Variants in ZNF813 observed in about 807,000 individuals in gnomAD.
ZNF813 encodes zinc finger protein 813.
ZNF813 carries 3 observed loss-of-function variants against 7.2 expected under a neutral mutation model. The observed-to-expected ratio is 0.42, with a 90% CI of 0.19 to 1.08. ZNF813 has a LOEUF of 1.08. ZNF813 is among the 50% of genes least tolerant of loss of function. ZNF813 has a pLI of 0.30. For synonymous variants in ZNF813, 227 were observed against 256.3 expected (o/e 0.89, Z 1.09); for missense variants, 714 against 753.3 (o/e 0.95, Z 0.61).
chr19:53,474,347 T>C (rs556776346), intron 1 of ZNF813, among the ~76,000 whole-genome samples: 121 of 152,284 alleles, frequency 7.9e-4, no homozygotes, highest in Non-Finnish European at 1.4e-3. Context: ...GGTTAAACAT[T>C]GTTTACAAAT....
intron 2 of ZNF813, among the ~76,000 whole-genome samples, chr19:53,485,304 C>T (rs1210314887): frequency 6.6e-6 from 1 of 152,054 alleles, no homozygotes; most frequent in Non-Finnish European, 1.5e-5. Flanking sequence ...GTGTCCTTTT[C>T]CAGCAAGATG....
chr19:53,469,752 A>G (rs926491053), intron 1 of ZNF813, among the ~76,000 whole-genome samples: 1 of 149,988 alleles, frequency 6.7e-6, no homozygotes, highest in African/African-American at 2.4e-5. Flanking sequence ...CAGAGGGAGA[A>G]GCACAGCAGG....
In ZNF813 at chr19:53,479,848, G is replaced by C. The variant is rs2086399113; in HGVS notation, c.-73-3902G>C. On this transcript the variant is annotated intron_variant, in intron 1 of 3. Coordinates refer to ENST00000396403, the MANE Select transcript of ZNF813 (RefSeq NM_001004301.4). ...AGATCAGACTGATGGACCAGAACCT[G>C]AAGTGTCTGAGTGCAGCTGAAGAAA... 6 of 1,071,638 alleles carry C rather than the reference G, an allele frequency of 5.6e-6. No homozygotes were observed. The Admixed American group carries it at 8.5e-5, about 15-fold the overall frequency. 66.4% of individuals were successfully genotyped at this position (1,071,638 alleles called of 1,614,324 possible). A position where few individuals can be genotyped will look rare whatever the true frequency, so the allele number is the denominator to read the frequency against.
At chr19:53,471,341 A>G (rs2617700) in intron 1 of ZNF813, among the ~76,000 whole-genome samples, 75,879 of 151,830 alleles carry the variant, frequency 0.5, 19,213 homozygotes, top group African/African-American at 0.58. Context: ...GAAGAGAAAC[A>G]GGAGAATGGG....
At chr19:53,470,459 A>G (rs36020746) in intron 1 of ZNF813, among the ~76,000 whole-genome samples, 29,709 of 119,022 alleles carry the variant, frequency 0.25, 4,398 homozygotes, top group African/African-American at 0.3. Context: ...ATTCATGAAA[A>G]AGCAGGTTTT....
chr19:53,476,889 C>T (rs2086384614), intron 1 of ZNF813, among the ~76,000 whole-genome samples: 2 of 151,986 alleles, frequency 1.3e-5, no homozygotes, highest in South Asian at 4.1e-4. Flanking sequence ...GTCTCGATCT[C>T]CTGACCTCGT....
rs1336949815 is a variant in ZNF813, at chr19:53,493,803, T to C, written c.*1717T>C. ...TTGATTTCTTTTGCTATTTCATTGCTCTGGCTAGGACAGCCAGTATTTATT... is the reference window on the plus strand; with the variant it reads ...TTGATTTCTTTTGCTATTTCATTGCCCTGGCTAGGACAGCCAGTATTTATT... On this transcript the variant is annotated 3_prime_UTR_variant, in exon 4 of 4. Transcript: ENST00000396403. 6.6e-6 allele frequency: 1 copy of C among 152,278 alleles called. No homozygotes were observed. Among genetic ancestry groups the C allele is most frequent in the Non-Finnish European group, 1.5e-5 (1 of 68,050 alleles). The allele number at this position is 152,278 out of a possible 1,614,324, so 9.4% of individuals were successfully genotyped here.
chr19:53,470,823 C>G (rs73935602), intron 1 of ZNF813, among the ~76,000 whole-genome samples: 2,151 of 151,842 alleles, frequency 0.014, 42 homozygotes, highest in African/African-American at 0.05. Flanking sequence ...CTCCTCCTTC[C>G]TGGGCTAGGA....
rs2086461834 is a variant in ZNF813 at position 53,491,487 on chromosome 19, G to A, written c.1255G>A (p.Val419Ile). 6.2e-7 allele frequency: 1 copy of A among 1,614,064 alleles called. No individual in the cohort carries two copies. Reference protein sequence around the residue: ...KPYKCNECGKVFNKKANLARH... With the variant: ...KPYKCNECGKIFNKKANLARH... ...TTACAAGTGTAATGAATGTGGCAAG[G>A]TTTTTAATAAAAAGGCAAACCTTGC... Residue 419 changes from valine (V) to isoleucine (I), a missense_variant, in exon 4 of 4, where the codon GTT becomes ATT. Physicochemically the swap from Val to Ile is conservative, Grantham distance 29. Coordinates refer to ENST00000396403, the MANE Select transcript of ZNF813 (RefSeq NM_001004301.4).
rs2086477188 is a variant in ZNF813, at chr19:53,494,329, G to A, written c.*2243G>A. On this transcript the variant is annotated 3_prime_UTR_variant, in exon 4 of 4. Transcript: ENST00000396403. ...AGGTCCTAGTTTGAGGCACCCAGAA[G>A]GATAAGACATGAGTTTTAAAAGAGA... is the stretch of plus-strand genomic sequence containing the variant. 6.6e-6 allele frequency: 1 copy of A among 152,140 alleles called. No individual in the cohort carries two copies. Among genetic ancestry groups the A allele is most frequent in the Non-Finnish European group, 1.5e-5 (1 of 68,036 alleles). 9.4% of individuals were successfully genotyped at this position (152,140 alleles called of 1,614,324 possible). A position where few individuals can be genotyped will look rare whatever the true frequency, so the allele number is the denominator to read the frequency against.
At chr19:53,481,884 G>A (rs1293951495) in intron 1 of ZNF813, among the ~76,000 whole-genome samples, 1 of 152,130 alleles carries the variant, frequency 6.6e-6, no homozygotes, top group Non-Finnish European at 1.5e-5. Flanking sequence ...CAAGGATAGG[G>A]GTGATGAAGA....
At chr19:53,485,393 T>C (rs1600112870) in intron 2 of ZNF813, among the ~76,000 whole-genome samples, 1 of 152,292 alleles carries the variant, frequency 6.6e-6, no homozygotes, top group Non-Finnish European at 1.5e-5. Context: ...ATATACAATA[T>C]ACACACACAT....
At chr19:53,474,243 G>C (rs1398842702) in intron 1 of ZNF813, among the ~76,000 whole-genome samples, 1 of 152,168 alleles carries the variant, frequency 6.6e-6, no homozygotes, top group African/African-American at 2.4e-5. Context: ...GAGCAGTTCG[G>C]TAAAGTTTAT....
intron 1 of ZNF813, chr19:53,479,726 G>T: frequency 8.4e-7 from 1 of 1,189,542 alleles, no homozygotes; most frequent in East Asian, 2.3e-5. Context: ...GAAGTATGAA[G>T]AGGTGGCTCG....
intron 1 of ZNF813, among the ~76,000 whole-genome samples, chr19:53,480,746 T>C (rs2086404214): frequency 6.6e-6 from 1 of 152,234 alleles, no homozygotes; most frequent in Non-Finnish European, 1.5e-5. Flanking sequence ...AGCTGTGAGC[T>C]ATTAAGTGCA....
intron 2 of ZNF813, among the ~76,000 whole-genome samples, chr19:53,485,688 C>T (rs1348058058): frequency 2.0e-5 from 3 of 151,660 alleles, no homozygotes; most frequent in Non-Finnish European, 2.9e-5. Flanking sequence ...GATTTTCATA[C>T]TTTGAGAAAT....
chr19:53,468,232 C>CCA (rs1491189904), intron 1 of ZNF813, among the ~76,000 whole-genome samples: 1 of 90,728 alleles, frequency 1.1e-5, no homozygotes, highest in Non-Finnish European at 2.6e-5. Flanking sequence ...CCCCCCCCCC[C>CCA]ACCTCCCTCC....
chr19:53,491,551 A>G lies in ZNF813; in HGVS notation c.1319A>G (p.Lys440Arg), dbSNP rs767038752. Reference protein sequence around the residue: ...HRLHSGEKPYKCTECVKTFSR... With the variant: ...HRLHSGEKPYRCTECVKTFSR... ...CTTCATAGTGGAGAGAAACCCTACA[A>G]GTGTACTGAGTGTGTCAAGACGTTC... Residue 440 changes from lysine (K) to arginine (R), a missense_variant, in exon 4 of 4, where the codon AAG becomes AGG. Lys to Arg is a conservative substitution (Grantham distance 26, BLOSUM62 2). Transcript: ENST00000396403. The G allele has an allele frequency of 3.1e-6, 5 of 1,613,516 alleles. No individual in the cohort carries two copies. Among genetic ancestry groups the G allele is most frequent in the Non-Finnish European group, 8.5e-7 (1 of 1,179,718 alleles).
Position 53,491,190 on chromosome 19 carries a change from A to G in ZNF813, c.958A>G (p.Ile320Val), listed in dbSNP as rs1568432919. Reference sequence around the variant, plus strand: ...ATCAAACCTTAAAAGACATAGGAGAATTCATGCTGGAGAAAAACCATACAA... The same window carrying G: ...ATCAAACCTTAAAAGACATAGGAGAGTTCATGCTGGAGAAAAACCATACAA... ...FKSNLKRHRR[I>V]HAGEKPYKCN... Residue 320 changes from isoleucine to valine, a missense_variant, in exon 4 of 4, where the codon ATT becomes GTT. Transcript: ENST00000396403. The G allele has an allele frequency of 9.3e-6, 15 of 1,613,500 alleles. No individual in the cohort carries two copies. The highest frequency in any genetic ancestry group is 1.3e-5 in the Non-Finnish European group (15 of 1,179,680).
Sources: gnomAD v4.1 joint callset for allele counts (sites outside exome capture counted in the v4.1 genomes callset) on GRCh38, gnomAD v4.1.1 for gene constraint, MANE v1.5 for transcripts, NCBI Gene and HGNC (gene_info 2026-07-23, HGNC 2026-07-21) for gene names.